TIAL1: variants seen among roughly 807,000 people sequenced by gnomAD.
TIAL1 encodes the protein nucleolysin TIAR.
Under a neutral mutation model 59.7 loss-of-function variants are expected in TIAL1, and 7 were observed. The observed-to-expected ratio is 0.12, with a 90% CI of 0.07 to 0.22. The LOEUF (loss-of-function observed/expected upper bound fraction) is 0.22, where lower values mean the gene tolerates loss of function less well. Among genes scored for constraint, TIAL1 ranks in the 10% least tolerant of loss-of-function variants. TIAL1 has a pLI of 1.00. For synonymous variants in TIAL1, 149 were observed against 146.3 expected (o/e 1.02, Z -0.13); for missense variants, 225 against 462.5 (o/e 0.49, Z 4.71).
Position 119,575,639 on chromosome 10 carries a change from T to C in TIAL1, c.*26A>G. ...ACAGGAAATCGAAGCCTATCATGAA[T>C]TACAATTTTTTTTTAGAGTCCCGGC... On this transcript the variant is annotated 3_prime_UTR_variant, in exon 12 of 12. Coordinates refer to ENST00000436547, the MANE Select transcript of TIAL1 (RefSeq NM_003252.4). The C allele has an allele frequency of 6.2e-7, 1 of 1,613,442 alleles. No individual in the cohort carries two copies. The highest frequency in any genetic ancestry group is 8.5e-7 in the Non-Finnish European group (1 of 1,179,656).
In TIAL1 at chr10:119,582,260, C is replaced by T. The variant is rs1845341266; in HGVS notation, c.229-37G>A. ...GATTATATTTAATAAAATTATTAGG[C>T]ATGTCATGAGTTACAACACTTACCA... On this transcript the variant is annotated intron_variant, in intron 3 of 11. Coordinates refer to ENST00000436547, the MANE Select transcript of TIAL1 (RefSeq NM_003252.4). The surrounding 1 kb of genome is among the most constrained non-coding windows in gnomAD (Gnocchi z 5.1). 1.9e-6 allele frequency: 3 copies of T among 1,540,122 alleles called. No homozygotes were observed. The highest frequency in any genetic ancestry group is 1.4e-5 in the African/African-American group (1 of 71,564).
intron 1 of TIAL1, among the ~76,000 whole-genome samples, chr10:119,590,820 G>GAA (rs780101655): frequency 1.4e-5 from 2 of 147,046 alleles, no homozygotes; most frequent in African/African-American, 5.0e-5. Context: ...AAGAAAGAAA[G>GAA]AAACGAACAA....
At chr10:119,590,450 G>A (rs955925499) in intron 1 of TIAL1, among the ~76,000 whole-genome samples, 3 of 152,080 alleles carry the variant, frequency 2.0e-5, no homozygotes, top group South Asian at 2.1e-4. Flanking sequence ...GGTGGCTCAC[G>A]CCTGTAATCC....
chr10:119,596,502 G>C lies in TIAL1; in HGVS notation c.-37C>G. The C allele has an allele frequency of 2.4e-6, 3 of 1,252,482 alleles. No individual in the cohort carries two copies. Among genetic ancestry groups the C allele is most frequent in the Non-Finnish European group, 3.4e-6 (3 of 876,780 alleles). 77.6% of individuals were successfully genotyped at this position (1,252,482 alleles called of 1,614,324 possible). ...CGGAGCGATCCCGGGACAAGGGGGA[G>C]GGCAGGGTTGGGGAGGGGAGGGGGT... On this transcript the variant is annotated 5_prime_UTR_variant, in exon 1 of 12. Coordinates refer to ENST00000436547, the MANE Select transcript of TIAL1 (RefSeq NM_003252.4).
chr10:119,581,256 G>C (rs542433908), intron 5 of TIAL1, among the ~76,000 whole-genome samples: 125 of 151,964 alleles, frequency 8.2e-4, no homozygotes, highest in Non-Finnish European at 1.5e-3. Flanking sequence ...TTTTTACCAA[G>C]TAACAACAGT....
chr10:119,591,424 C>A lies in TIAL1; in HGVS notation c.33-3176G>T, dbSNP rs191981186. On this transcript the variant is annotated intron_variant, in intron 1 of 11. Coordinates refer to ENST00000436547, the MANE Select transcript of TIAL1 (RefSeq NM_003252.4). The stretch of plus-strand genomic sequence containing the variant: ...CTCCATCTGAAAAAAAAAAAAAAAT[C>A]TTTATTCTAAGTCAACCTATTTCCC... Among the ~76,000 whole-genome samples the A allele has an allele frequency of 2.3e-3, 342 of 151,200 alleles. 6 individuals carry two copies. Among genetic ancestry groups the A allele is most frequent in the Admixed American group, 0.015 (225 of 15,168 alleles).
chr10:119,592,521 C>T (rs577955379), intron 1 of TIAL1, among the ~76,000 whole-genome samples: 1 of 152,166 alleles, frequency 6.6e-6, no homozygotes, highest in South Asian at 2.1e-4. Flanking sequence ...AAAGAGTAGC[C>T]CTACCAAGGC....
intron 8 of TIAL1, 26 bp downstream of exon 8, chr10:119,577,615 G>A (rs1390068945): frequency 1.2e-6 from 2 of 1,608,700 alleles, no homozygotes; most frequent in Admixed American, 1.7e-5. Flanking sequence ...GCTCCTCAGA[G>A]GTGATTAGAA....
At chr10:119,586,097 C>G (rs947155373) in intron 2 of TIAL1, among the ~76,000 whole-genome samples, 1 of 152,194 alleles carries the variant, frequency 6.6e-6, no homozygotes, top group African/African-American at 2.4e-5. Context: ...AGCTTCAGCA[C>G]CGGTCTCTCT....
Position 119,576,617 on chromosome 10 carries a change from C to T in TIAL1, c.995G>A (p.Gly332Glu). 1.2e-6 allele frequency: 2 copies of T among 1,613,900 alleles called. No individual in the cohort carries two copies. Among genetic ancestry groups the T allele is most frequent in the Non-Finnish European group, 1.7e-6 (2 of 1,179,952 alleles). Residue 332 changes from glycine (G) to glutamate (E), a missense_variant, in exon 11 of 12, where the codon GGA (glycine) becomes GAA (glutamate). Gly to Glu is a moderately conservative substitution (Grantham distance 98, BLOSUM62 -2). Coordinates refer to ENST00000436547, the MANE Select transcript of TIAL1 (RefSeq NM_003252.4). ...AAAAACCCAAACAACTTACTCTACT[C>T]CAAATCCTTGTTGATTCCATGGTTG... is the stretch of plus-strand genomic sequence containing the variant. ...YGQPWNQQGFGVDQSPSAAWM... is the reference protein window; with the variant it reads ...YGQPWNQQGFEVDQSPSAAWM...
At chr10:119,578,486 C>G (rs1468110396) in intron 7 of TIAL1, among the ~76,000 whole-genome samples, 5 of 152,018 alleles carry the variant, frequency 3.3e-5, no homozygotes, top group African/African-American at 9.7e-5. Context: ...TACAAATTAG[C>G]TGGGCATGGT....
At chr10:119,590,358 T>C (rs1342536145) in intron 1 of TIAL1, among the ~76,000 whole-genome samples, 2 of 152,208 alleles carry the variant, frequency 1.3e-5, no homozygotes, top group African/African-American at 4.8e-5. Context: ...TCATAGGGGT[T>C]TGTGAGCCTG....
In TIAL1 at chr10:119,581,957, A is replaced by G; in HGVS notation, c.336T>C (p.Asp112=). Residue 112 remains aspartate (D), a synonymous_variant, in exon 5 of 12, where the codon GAT becomes GAC. Transcript: ENST00000436547. ...GDLSPEITTE[D]IKSAFAPFGK... ...CAAAGGGGGCAAATGCTGATTTGAT[A>G]TCTTCTGTTGTAATTTCTGGACTCA... 24 of 1,613,610 alleles carry G rather than the reference A, an allele frequency of 1.5e-5. No individual in the cohort carries two copies. The highest frequency in any genetic ancestry group is 2.0e-5 in the Non-Finnish European group (24 of 1,179,646).
rs1448305394 is a variant in TIAL1, at chr10:119,577,137, A to G, written c.804T>C (p.His268=). 2 of 1,614,062 alleles carry G rather than the reference A, an allele frequency of 1.2e-6. No individual in the cohort carries two copies. The highest frequency in any genetic ancestry group is 1.1e-5 in the South Asian group (1 of 91,036). The part of the protein sequence containing the change: ...VSVNGTTIEG[H]VVKCYWGKES... ...CTTTACCCCAATAGCATTTAACCAC[A>G]TGTCCTTCAATCGTAGTACCGTTCA... The change falls in exon 10 of 12, where the codon CAT becomes CAC. Residue 268 remains histidine (H), a synonymous_variant. Coordinates refer to ENST00000436547, the MANE Select transcript of TIAL1 (RefSeq NM_003252.4).
Position 119,584,168 on chromosome 10 carries a change from T to C in TIAL1, c.130-1611A>G, listed in dbSNP as rs1845430956. Reference sequence around the variant, plus strand: ...AGTAGGCCAGCTCCCAATCAATGTATGCACGTGCATGTATATATACACATA... The same window carrying C: ...AGTAGGCCAGCTCCCAATCAATGTACGCACGTGCATGTATATATACACATA... On this transcript the variant is annotated intron_variant, in intron 2 of 11. Coordinates refer to ENST00000436547, the MANE Select transcript of TIAL1 (RefSeq NM_003252.4). Among the ~76,000 whole-genome samples the C allele has an allele frequency of 2.0e-5, 3 of 151,412 alleles. No homozygotes were observed. The South Asian group carries it at 6.2e-4, about 31-fold the overall frequency.
intron 1 of TIAL1, among the ~76,000 whole-genome samples, chr10:119,594,402 T>G (rs553742429): frequency 6.6e-6 from 1 of 152,290 alleles, no homozygotes; most frequent in South Asian, 2.1e-4. Flanking sequence ...AACCAGAGAT[T>G]CCTCTTGGTA....
chr10:119,583,996 C>T (rs903247571), intron 2 of TIAL1, among the ~76,000 whole-genome samples: 3 of 152,174 alleles, frequency 2.0e-5, no homozygotes, highest in African/African-American at 7.2e-5. Flanking sequence ...TTTCCTTTCA[C>T]TCCTATCTCT....
rs1845331683 is a variant in TIAL1, at chr10:119,582,054, A to C, written c.284-45T>G. 2.5e-6 allele frequency: 4 copies of C among 1,607,608 alleles called. No individual in the cohort carries two copies. The East Asian group carries it at 8.9e-5, about 36-fold the overall frequency. ...TAATCAAATACTTAAGAAGTCAGCCACTAAAACCTTTTTAAGGCAACTCTA... is the reference window on the plus strand; with the variant it reads ...TAATCAAATACTTAAGAAGTCAGCCCCTAAAACCTTTTTAAGGCAACTCTA... On this transcript the variant is annotated intron_variant, in intron 4 of 11. Transcript: ENST00000436547. This position sits in a 1 kb window ranked among gnomAD's most constrained non-coding sequence, Gnocchi z 5.1.
At chr10:119,586,805 C>T (rs953877559) in intron 2 of TIAL1, among the ~76,000 whole-genome samples, 1 of 152,190 alleles carries the variant, frequency 6.6e-6, no homozygotes, top group African/African-American at 2.4e-5. Flanking sequence ...CCAGCTCTTA[C>T]CATAGATAGC....
Sources: gnomAD v4.1 joint callset for allele counts (sites outside exome capture counted in the v4.1 genomes callset) on GRCh38, gnomAD v4.1.1 for gene constraint, Gnocchi (gnomAD v3.1) non-coding constraint, MANE v1.5 for transcripts, NCBI Gene and HGNC (gene_info 2026-07-23, HGNC 2026-07-21) for gene names.